ETS2: variants seen among roughly 807,000 people sequenced by gnomAD.
ETS2 encodes the protein ETS proto-oncogene 2, transcription factor.
In ETS2, 19 loss-of-function variants were observed where a neutral mutation model predicts 54.9. The ratio of observed to expected loss-of-function variants is 0.35; its 90% CI spans 0.24 to 0.51. ETS2 has a LOEUF of 0.51. Among genes scored for constraint, ETS2 ranks in the 20% least tolerant of loss-of-function variants. The pLI, the probability that ETS2 is intolerant of heterozygous loss-of-function variation, is 0.97. For synonymous variants in ETS2, 219 were observed against 229.3 expected (o/e 0.95, Z 0.41); for missense variants, 417 against 593.0 (o/e 0.70, Z 3.08).
intron 8 of ETS2, among the ~76,000 whole-genome samples, chr21:38,820,481 G>C (rs1253438302): frequency 6.6e-6 from 1 of 152,220 alleles, no homozygotes; most frequent in African/African-American, 2.4e-5. Flanking sequence ...TACACGGAAA[G>C]AGTGTGTGAA....
chr21:38,820,848 C>T (rs2060955176), intron 8 of ETS2, among the ~76,000 whole-genome samples: 1 of 152,194 alleles, frequency 6.6e-6, no homozygotes, highest in East Asian at 1.9e-4. Flanking sequence ...AGGCTCTTCT[C>T]CTGTTTGCTG....
At position 38,814,265 on chromosome 21, in the gene ETS2, C is replaced by T. The variant is rs2060924219; in HGVS notation, c.185-8C>T. On this transcript the variant is annotated splice_region_variant and splice_polypyrimidine_tract_variant and intron_variant, in intron 3 of 9. Coordinates refer to ENST00000360938, the MANE Select transcript of ETS2 (RefSeq NM_005239.6). The surrounding 1 kb of genome is among the most constrained non-coding windows in gnomAD (Gnocchi z 4.2). ...GTCCTAATGTCCCCATGGGGGGTTT[C>T]CTTCCAGACTCCGCCAACTGTGAAT... is the stretch of plus-strand genomic sequence containing the variant. 6.2e-7 allele frequency: 1 copy of T among 1,613,914 alleles called. No homozygotes were observed. Among genetic ancestry groups the T allele is most frequent in the Non-Finnish European group, 8.5e-7 (1 of 1,179,904 alleles).
In ETS2 at chr21:38,813,056, T is replaced by C; in HGVS notation, c.126T>C (p.Ser42=). 6.2e-7 allele frequency: 1 copy of C among 1,614,178 alleles called. No homozygotes were observed. The highest frequency in any genetic ancestry group is 8.5e-7 in the Non-Finnish European group (1 of 1,179,996). ...FDGSLFAVFP[S]LNEEQTLQEV... ...GGTCCCTGTTTGCTGTTTTTCCTTC[T>C]CTAAATGAAGAGCAAACACTGCAAG... The change falls in exon 3 of 10, where the codon TCT becomes TCC. Residue 42 remains serine (S), a synonymous_variant. Coordinates refer to ENST00000360938, the MANE Select transcript of ETS2 (RefSeq NM_005239.6).
chr21:38,806,249 G>C lies in ETS2; in HGVS notation c.-1+129G>C. The C allele has an allele frequency of 6.2e-6, 6 of 974,076 alleles. No homozygotes were observed. The highest frequency in any genetic ancestry group is 4.9e-6 in the Non-Finnish European group (4 of 818,304). The allele number at this position is 974,076 out of a possible 1,614,324, so 60.3% of individuals were successfully genotyped here. A position where few individuals can be genotyped will look rare whatever the true frequency, so the allele number is the denominator to read the frequency against. On this transcript the variant is annotated intron_variant, in intron 1 of 9. Coordinates refer to ENST00000360938, the MANE Select transcript of ETS2 (RefSeq NM_005239.6). The surrounding 1 kb of genome is among the most constrained non-coding windows in gnomAD (Gnocchi z 4.3). ...TCGGGGCGCTGCCGGGGGTGCAGGT[G>C]GGGGTGGCGGCTGCTGCGAGGACTC... is the stretch of plus-strand genomic sequence containing the variant.
At position 38,806,909 on chromosome 21, in the gene ETS2, A is replaced by C; in HGVS notation, c.-1+789A>C. ...TTTATGTTAGCCTGTACACAATTTC[A>C]GGGTAGCCTAAAACAGTAGTTGACG... On this transcript the variant is annotated intron_variant, in intron 1 of 9. Transcript: ENST00000360938. This position sits in a 1 kb window ranked among gnomAD's most constrained non-coding sequence, Gnocchi z 4.3. 2 of 905,018 alleles carry C rather than the reference A, an allele frequency of 2.2e-6. No individual in the cohort carries two copies. The highest frequency in any genetic ancestry group is 2.6e-6 in the Non-Finnish European group (2 of 756,602). The allele number at this position is 905,018 out of a possible 1,614,324, so 56.1% of individuals were successfully genotyped here. A position where few individuals can be genotyped will look rare whatever the true frequency, so the allele number is the denominator to read the frequency against.
chr21:38,807,413 T>C (rs1014373855), intron 1 of ETS2, among the ~76,000 whole-genome samples: 33 of 128,614 alleles, frequency 2.6e-4, no homozygotes, highest in African/African-American at 9.1e-4. Flanking sequence ...TTCTGCTCTT[T>C]ATCCTTTTTT....
Position 38,806,196 on chromosome 21 carries a change from G to A in ETS2, c.-1+76G>A. The A allele has an allele frequency of 1.0e-6, 1 of 994,360 alleles. No homozygotes were observed. The highest frequency in any genetic ancestry group is 1.2e-6 in the Non-Finnish European group (1 of 836,470). 61.6% of individuals were successfully genotyped at this position (994,360 alleles called of 1,614,324 possible). A position where few individuals can be genotyped will look rare whatever the true frequency, so the allele number is the denominator to read the frequency against. ...GAGGGTCACCCGGGGCCTGGGCGGGGGTCGCGGGGGGCACTGACACGCAGA... is the reference window on the plus strand; with the variant it reads ...GAGGGTCACCCGGGGCCTGGGCGGGAGTCGCGGGGGGCACTGACACGCAGA... On this transcript the variant is annotated intron_variant, in intron 1 of 9. Transcript: ENST00000360938. This position sits in a 1 kb window ranked among gnomAD's most constrained non-coding sequence, Gnocchi z 4.3.
Position 38,822,874 on chromosome 21 carries a change from C to G in ETS2, c.1395C>G (p.Pro465=). The G allele has an allele frequency of 1.3e-6, 2 of 1,586,886 alleles. No homozygotes were observed. Among genetic ancestry groups the G allele is most frequent in the Non-Finnish European group, 1.7e-6 (2 of 1,163,464 alleles). Residue 465 remains proline, a synonymous_variant, in exon 10 of 10, where the codon CCC becomes CCG. Coordinates refer to ENST00000360938, the MANE Select transcript of ETS2 (RefSeq NM_005239.6). ...TGCACGCCATCCTGGGCGTCCAGCCCGACACGGAGGACTGAGGTCGCCGGG... is the reference window on the plus strand; with the variant it reads ...TGCACGCCATCCTGGGCGTCCAGCCGGACACGGAGGACTGAGGTCGCCGGG... ...EELHAILGVQ[P]DTED
chr21:38,811,087 C>T (rs895201986), intron 2 of ETS2, among the ~76,000 whole-genome samples: 3 of 151,540 alleles, frequency 2.0e-5, no homozygotes, highest in Non-Finnish European at 4.4e-5. Context: ...AATAATTTGA[C>T]GATGCTTATG....
chr21:38,822,811 C>T lies in ETS2; in HGVS notation c.1332C>T (p.Cys444=), dbSNP rs865968034. 2.2e-5 allele frequency: 35 copies of T among 1,613,242 alleles called. No homozygotes were observed. The highest frequency in any genetic ancestry group is 3.3e-4 in the Middle Eastern group (2 of 6,080). ...AGCGCTACGTGTACCGCTTCGTGTG[C>T]GACCTCCAGAACTTGCTGGGGTTCA... ...SGKRYVYRFV[C]DLQNLLGFTP... The change falls in exon 10 of 10, where the codon TGC becomes TGT. Residue 444 remains cysteine (C), a synonymous_variant. Transcript: ENST00000360938.
At chr21:38,808,075 C>A (rs573587890) in intron 1 of ETS2, among the ~76,000 whole-genome samples, 3 of 151,994 alleles carry the variant, frequency 2.0e-5, no homozygotes, top group Non-Finnish European at 4.4e-5. Context: ...TCATGTTCTC[C>A]CGGCACAGAG....
rs1038158020 is a variant in ETS2 at position 38,823,125 on chromosome 21, A to C, written c.*236A>C. The stretch of plus-strand genomic sequence containing the variant: ...TGCTTTTAAGTGAAAATGGTCGAGA[A>C]AGAGGCACCAGGAAGCCGTCCTGGC... On this transcript the variant is annotated 3_prime_UTR_variant, in exon 10 of 10. Transcript: ENST00000360938. 2.6e-6 allele frequency: 1 copy of C among 378,922 alleles called. No homozygotes were observed. Among genetic ancestry groups the C allele is most frequent in the East Asian group, 4.0e-5 (1 of 25,280 alleles). The allele number at this position is 378,922 out of a possible 1,614,324, so 23.5% of individuals were successfully genotyped here.
intron 7 of ETS2, 139 bp downstream of exon 7, chr21:38,818,785 C>A: frequency 2.0e-6 from 2 of 981,712 alleles, no homozygotes; most frequent in Non-Finnish European, 3.1e-6. Flanking sequence ...AGTGGATTTC[C>A]AACAAGCATA....
chr21:38,817,257 A>G (rs780805111), intron 6 of ETS2, among the ~76,000 whole-genome samples, 166 bp downstream of exon 6: 1 of 152,272 alleles, frequency 6.6e-6, no homozygotes. Flanking sequence ...ACTGGTCCAC[A>G]TCGAGATGTG....
Position 38,818,414 on chromosome 21 carries a change from T to C in ETS2, c.590-11T>C, listed in dbSNP as rs2060943668. 1 of 1,613,934 alleles carries C rather than the reference T, an allele frequency of 6.2e-7. No individual in the cohort carries two copies. The highest frequency in any genetic ancestry group is 1.3e-5 in the African/African-American group (1 of 75,050). ...CTTTAAGAGCTCTGCCGTCCGATTG[T>C]TCTGTTCCAGGTTTTGGCACAGAGC... On this transcript the variant is annotated splice_polypyrimidine_tract_variant and intron_variant, in intron 6 of 9. Coordinates refer to ENST00000360938, the MANE Select transcript of ETS2 (RefSeq NM_005239.6).
At position 38,814,532 on chromosome 21, in the gene ETS2, T is replaced by G; in HGVS notation, c.304+140T>G. 9.2e-7 allele frequency: 1 copy of G among 1,082,226 alleles called. No individual in the cohort carries two copies. Among genetic ancestry groups the G allele is most frequent in the Non-Finnish European group, 1.3e-6 (1 of 759,264 alleles). 67.0% of individuals were successfully genotyped at this position (1,082,226 alleles called of 1,614,324 possible). A position where few individuals can be genotyped will look rare whatever the true frequency, so the allele number is the denominator to read the frequency against. ...TGGATGTCGTTAACCTGAGCCAGTTTCTGTTTCACCCCAATCAACCCAAGA... is the reference window on the plus strand; with the variant it reads ...TGGATGTCGTTAACCTGAGCCAGTTGCTGTTTCACCCCAATCAACCCAAGA... On this transcript the variant is annotated intron_variant, in intron 4 of 9. Transcript: ENST00000360938. This position sits in a 1 kb window ranked among gnomAD's most constrained non-coding sequence, Gnocchi z 4.2.
intron 6 of ETS2, among the ~76,000 whole-genome samples, chr21:38,817,426 C>A (rs1200989509): frequency 6.6e-6 from 1 of 152,208 alleles, no homozygotes; most frequent in African/African-American, 2.4e-5. Context: ...TCACCTGTTT[C>A]TTTTTGCTTT....
In ETS2 at chr21:38,817,444, T is replaced by C. The variant is rs73432803; in HGVS notation, c.589+353T>C. Among the ~76,000 whole-genome samples the C allele has an allele frequency of 9.7e-3, 1,480 of 152,386 alleles. 24 individuals carry two copies. Among genetic ancestry groups the C allele is most frequent in the African/African-American group, 0.033 (1,384 of 41,590 alleles). ...CCTGTTTCTTTTTGCTTTTTTAATA[T>C]GGCCACTAGAACTTTCGCAGTTGCT... is the stretch of plus-strand genomic sequence containing the variant. On this transcript the variant is annotated intron_variant, in intron 6 of 9. Transcript: ENST00000360938.
rs1024574263 is a variant in ETS2 at position 38,821,823 on chromosome 21, C to A, written c.1194+119C>A. On this transcript the variant is annotated intron_variant, in intron 9 of 9. Transcript: ENST00000360938. This position sits in a 1 kb window ranked among gnomAD's most constrained non-coding sequence, Gnocchi z 4.2. ...ACCAGTACTGCTGAGAATCTTTCCACGTGAGGCATCCTTGGCTGTTGGGAA... is the reference window on the plus strand; with the variant it reads ...ACCAGTACTGCTGAGAATCTTTCCAAGTGAGGCATCCTTGGCTGTTGGGAA... 1.1e-5 allele frequency: 8 copies of A among 711,916 alleles called. No homozygotes were observed. The highest frequency in any genetic ancestry group is 2.2e-5 in the Admixed American group (1 of 46,118). The allele number at this position is 711,916 out of a possible 1,614,324, so 44.1% of individuals were successfully genotyped here. A position where few individuals can be genotyped will look rare whatever the true frequency, so the allele number is the denominator to read the frequency against.
Sources: allele counts gnomAD v4.1 joint callset (sites outside exome capture counted in the v4.1 genomes callset), GRCh38; gene constraint gnomAD v4.1.1; non-coding constraint Gnocchi (gnomAD v3.1); transcripts MANE v1.5; gene names NCBI Gene and HGNC (gene_info 2026-07-23, HGNC 2026-07-21).